Variants in CEP112 observed in about 807,000 individuals in gnomAD.
The protein encoded by CEP112 is centrosomal protein 112.
Under a neutral mutation model 153.0 loss-of-function variants are expected in CEP112, and 127 were observed. The ratio of observed to expected loss-of-function variants is 0.83; its 90% confidence interval spans 0.72 to 0.96. CEP112 has a LOEUF of 0.96. Among genes scored for constraint, CEP112 ranks in the 40% least tolerant of loss-of-function variants. The pLI is 0.00. For synonymous variants in CEP112, 358 were observed against 374.4 expected (o/e 0.96, Z 0.51); for missense variants, 1,089 against 1,101.2 (o/e 0.99, Z 0.16).
chr17:65,826,619 C>A, intron 21 of CEP112: 1 of 1,134,546 alleles, frequency 8.8e-7, no homozygotes, highest in Non-Finnish European at 1.1e-6. Context: ...AGGAAGCAGG[C>A]TAAAGATGCC....
intron 11 of CEP112, among the ~76,000 whole-genome samples, chr17:66,055,056 C>A (rs892861854): frequency 6.6e-6 from 1 of 152,018 alleles, no homozygotes; most frequent in Middle Eastern, 3.2e-3. Flanking sequence ...CCGTGCCTGG[C>A]CCCAAATAAT....
intron 8 of CEP112, among the ~76,000 whole-genome samples, chr17:66,082,761 T>TC (rs935148037): frequency 6.8e-6 from 1 of 145,998 alleles, no homozygotes; most frequent in African/African-American, 2.5e-5. Context: ...AGACTCTGTC[T>TC]CAAAAAAAAA....
intron 18 of CEP112, among the ~76,000 whole-genome samples, chr17:65,937,139 G>A (rs543739028): frequency 3.0e-4 from 44 of 149,054 alleles, no homozygotes; most frequent in Non-Finnish European, 5.0e-4. Context: ...CCAGGCTGGA[G>A]TGCAGTGGCA....
At chr17:66,026,457 TA>T (rs1426489189) in intron 16 of CEP112, among the ~76,000 whole-genome samples, 2 of 36,856 alleles carry the variant, frequency 5.4e-5, no homozygotes, top group African/African-American at 1.4e-4. Context: ...TTCATTGTTT[TA>T]GGTTCTTTTG....
chr17:65,862,536 C>T (rs1334711306), intron 20 of CEP112, among the ~76,000 whole-genome samples: 1 of 152,006 alleles, frequency 6.6e-6, no homozygotes, highest in African/African-American at 2.4e-5. Context: ...TGCAGTGAGC[C>T]GAGATCGTGC....
intron 18 of CEP112, among the ~76,000 whole-genome samples, chr17:65,947,898 C>A (rs1326769600): frequency 6.6e-6 from 1 of 151,954 alleles, no homozygotes; most frequent in Admixed American, 6.6e-5. Context: ...TCTTAAAAGG[C>A]TGATTTAAAA....
chr17:65,946,897 C>T (rs1359901758), intron 18 of CEP112, among the ~76,000 whole-genome samples: 1 of 152,046 alleles, frequency 6.6e-6, no homozygotes, highest in African/African-American at 2.4e-5. Context: ...GAACAGAGAC[C>T]TTGTGCATCT....
At chr17:65,859,711 T>TA (rs540133663) in intron 20 of CEP112, among the ~76,000 whole-genome samples, 22,093 of 142,670 alleles carry the variant, frequency 0.15, 1,654 homozygotes, top group African/African-American at 0.18. Context: ...GACAAGAACA[T>TA]AAAAAAAAAA....
chr17:65,966,487 C>T (rs781458855), intron 17 of CEP112, among the ~76,000 whole-genome samples: 1 of 152,144 alleles, frequency 6.6e-6, no homozygotes, highest in Non-Finnish European at 1.5e-5. Context: ...CATTTCCTGC[C>T]AGCTTGGCAT....
chr17:65,637,262 A>G, intron 25 of CEP112, 74 bp from the exon 26 acceptor site: 1 of 989,888 alleles, frequency 1.0e-6, no homozygotes, highest in Non-Finnish European at 1.6e-6. Flanking sequence ...GTATGGTAAG[A>G]TTTTATTTAA....
intron 8 of CEP112, among the ~76,000 whole-genome samples, chr17:66,095,399 A>G (rs1029430904): frequency 5.3e-5 from 8 of 152,192 alleles, no homozygotes; most frequent in Admixed American, 1.3e-4. Flanking sequence ...ACACGATGTT[A>G]AGTGAAATAA....
chr17:65,886,138 G>A (rs1323198794), intron 20 of CEP112, among the ~76,000 whole-genome samples: 1 of 152,088 alleles, frequency 6.6e-6, no homozygotes, highest in Non-Finnish European at 1.5e-5. Flanking sequence ...AACCGCAGCT[G>A]GGTGGCTGAA....
intron 17 of CEP112, among the ~76,000 whole-genome samples, chr17:65,963,930 G>T (rs995732770): frequency 6.6e-6 from 1 of 152,098 alleles, no homozygotes; most frequent in Non-Finnish European, 1.5e-5. Context: ...CTAAATCCCT[G>T]TTCCTTTATG....
intron 22 of CEP112, 120 bp downstream of exon 22, chr17:65,750,542 C>G: frequency 2.7e-6 from 2 of 737,538 alleles, no homozygotes; most frequent in Admixed American, 4.6e-5. Flanking sequence ...AAATATGATA[C>G]CATTCCACAA....
At chr17:66,110,353 A>G (rs528204444) in intron 6 of CEP112, among the ~76,000 whole-genome samples, 17 of 151,904 alleles carry the variant, frequency 1.1e-4, no homozygotes, top group East Asian at 1.9e-4. Context: ...AAAAAGAAAA[A>G]AAAAGAAAAG....
chr17:65,891,290 C>T lies in CEP112; in HGVS notation c.2163+10862G>A, dbSNP rs181763456. 2.8e-3 allele frequency among the ~76,000 whole-genome samples: 426 copies of T among 152,168 alleles called. 3 individuals are homozygous for T. The highest frequency in any genetic ancestry group is 6.8e-3 in the Middle Eastern group (2 of 292). On this transcript the variant is annotated intron_variant, in intron 20 of 26. Coordinates refer to ENST00000535342, the MANE Select transcript of CEP112 (RefSeq NM_001199165.4). ...AAGAAATTGGTAATTGCATCTGGGC[C>T]CATGCTTTAATTATTATCTATATGC... is the stretch of plus-strand genomic sequence containing the variant.
chr17:65,797,851 T>A (rs2055029563), intron 21 of CEP112, among the ~76,000 whole-genome samples: 1 of 152,214 alleles, frequency 6.6e-6, no homozygotes, highest in Admixed American at 6.5e-5. Flanking sequence ...CTGACAATCA[T>A]ATTTAATCTT....
intron 20 of CEP112, among the ~76,000 whole-genome samples, chr17:65,901,415 A>C (rs2059843745): frequency 6.6e-6 from 1 of 152,242 alleles, no homozygotes; most frequent in African/African-American, 2.4e-5. Context: ...TATACTCTAC[A>C]GAATGTATTG....
intron 18 of CEP112, among the ~76,000 whole-genome samples, chr17:65,931,975 C>A (rs2061141469): frequency 6.6e-6 from 1 of 152,164 alleles, no homozygotes; most frequent in African/African-American, 2.4e-5. Flanking sequence ...GACCTTCAGC[C>A]CTGTCCAACT....
Sources: gnomAD v4.1 joint callset for allele counts (sites outside exome capture counted in the v4.1 genomes callset) on GRCh38, gnomAD v4.1.1 for gene constraint, MANE v1.5 for transcripts, NCBI Gene and HGNC (gene_info 2026-07-23, HGNC 2026-07-21) for gene names.